CPA6: variants seen among roughly 807,000 people sequenced by gnomAD.
CPA6 encodes carboxypeptidase A6.
CPA6 carries 58 observed loss-of-function variants against 63.3 expected under a neutral mutation model. That is an observed-to-expected ratio of 0.92 (90% CI 0.74 to 1.14). The LOEUF (loss-of-function observed/expected upper bound fraction) is 1.14. CPA6 is among the 50% of genes most tolerant of loss of function. The pLI is 0.00. For missense variants in CPA6, 565 were observed against 526.6 expected (o/e 1.07, Z -0.71); for synonymous variants, 185 against 179.0 (o/e 1.03, Z -0.27).
At chr8:67,431,399 C>A (rs1810024725) in intron 9 of CPA6, among the ~76,000 whole-genome samples, 1 of 151,866 alleles carries the variant, frequency 6.6e-6, no homozygotes, top group Non-Finnish European at 1.5e-5. Flanking sequence ...TGCCACCAGG[C>A]CCGGCTAATT....
chr8:67,529,452 A>G (rs933638341), intron 2 of CPA6, among the ~76,000 whole-genome samples: 5 of 152,194 alleles, frequency 3.3e-5, no homozygotes, highest in Non-Finnish European at 2.9e-5. Flanking sequence ...TATGGAAGGT[A>G]ATAAGAAAAT....
At chr8:67,573,849 G>A (rs182124059) in intron 2 of CPA6, among the ~76,000 whole-genome samples, 96 of 117,512 alleles carry the variant, frequency 8.2e-4, no homozygotes, top group African/African-American at 2.6e-3. Context: ...CCGAGATCAC[G>A]CCACTGCACT....
intron 1 of CPA6, among the ~76,000 whole-genome samples, chr8:67,630,581 G>C (rs569171937): frequency 7.2e-4 from 109 of 152,342 alleles, no homozygotes; most frequent in Non-Finnish European, 9.4e-4. Flanking sequence ...GGCAGCCCTC[G>C]CTCCCTCTCA....
At chr8:67,424,199 G>A (rs1809833756) in intron 10 of CPA6, among the ~76,000 whole-genome samples, 1 of 152,086 alleles carries the variant, frequency 6.6e-6, no homozygotes, top group African/African-American at 2.4e-5. Context: ...TCTACATTAT[G>A]GTGAATTACA....
chr8:67,513,466 C>T (rs1462574533), intron 3 of CPA6, among the ~76,000 whole-genome samples: 1 of 152,096 alleles, frequency 6.6e-6, no homozygotes, highest in Non-Finnish European at 1.5e-5. Context: ...ATTATTTCTC[C>T]TGGCTACTTT....
At chr8:67,624,309 T>C in intron 1 of CPA6, 58 bp from the exon 2 acceptor site, 5 of 948,284 alleles carry the variant, frequency 5.3e-6, no homozygotes, top group Non-Finnish European at 8.1e-6. Flanking sequence ...ATATTAGTCA[T>C]CTCTTTCTTA....
intron 2 of CPA6, among the ~76,000 whole-genome samples, chr8:67,580,622 TTGAG>T (rs1813746405): frequency 6.6e-6 from 1 of 152,122 alleles, no homozygotes; most frequent in Non-Finnish European, 1.5e-5. Flanking sequence ...GTTCTTGAAA[TTGAG>T]TGAGTGTACG....
intron 8 of CPA6, among the ~76,000 whole-genome samples, chr8:67,477,052 A>G (rs1011033399): frequency 6.6e-6 from 1 of 152,106 alleles, no homozygotes; most frequent in Non-Finnish European, 1.5e-5. Flanking sequence ...GCACTTTGAG[A>G]GGCCGAGGCA....
rs1164925853 is a variant in CPA6 at position 67,672,850 on chromosome 8, T to TTAGC, written c.117-48603_117-48600dup. 2.6e-5 allele frequency among the ~76,000 whole-genome samples: 4 copies of TTAGC among 152,306 alleles called. No individual in the cohort carries two copies. In the East Asian group the frequency reaches 7.7e-4, roughly 29 times the overall value. On this transcript the variant is annotated intron_variant, in intron 1 of 10. Coordinates refer to ENST00000297770, the MANE Select transcript of CPA6 (RefSeq NM_020361.5). ...GAACAAATAAGCCCTAACTGCCTCATTAGCTTTAAGCTTCTAGGATGATGC... is the reference window on the plus strand; with the variant it reads ...GAACAAATAAGCCCTAACTGCCTCATTAGCTAGCTTTAAGCTTCTAGGATGATGC...
chr8:67,685,303 A>G (rs1816687756), intron 1 of CPA6, among the ~76,000 whole-genome samples: 1 of 152,146 alleles, frequency 6.6e-6, no homozygotes. Flanking sequence ...AACTTTTTGT[A>G]TGTGTGTCAC....
At chr8:67,549,937 G>T (rs915718996) in intron 2 of CPA6, among the ~76,000 whole-genome samples, 2 of 152,184 alleles carry the variant, frequency 1.3e-5, no homozygotes, top group African/African-American at 4.8e-5. Context: ...AAATAATGCT[G>T]CCATGAATAC....
chr8:67,607,468 T>C (rs1814696849), intron 2 of CPA6, among the ~76,000 whole-genome samples: 1 of 151,848 alleles, frequency 6.6e-6, no homozygotes, highest in Admixed American at 6.6e-5. Flanking sequence ...ATCTTTAGTC[T>C]TTTTTTGTGT....
chr8:67,721,275 G>A (rs1360104734), intron 1 of CPA6, among the ~76,000 whole-genome samples: 3 of 152,198 alleles, frequency 2.0e-5, no homozygotes, highest in Middle Eastern at 3.2e-3. Context: ...GAAATACCAT[G>A]CGTGCCATTT....
chr8:67,617,923 G>A (rs1310664576), intron 2 of CPA6, among the ~76,000 whole-genome samples: 1 of 143,194 alleles, frequency 7.0e-6, no homozygotes, highest in Non-Finnish European at 1.6e-5. Context: ...TTCACGGCAT[G>A]GCTGTTTGTT....
intron 1 of CPA6, among the ~76,000 whole-genome samples, chr8:67,683,454 C>G (rs1050685739): frequency 3.3e-5 from 5 of 152,184 alleles, no homozygotes; most frequent in African/African-American, 1.2e-4. Context: ...TTTTACACAG[C>G]TTGGCTTTCT....
intron 3 of CPA6, among the ~76,000 whole-genome samples, chr8:67,511,977 G>A (rs1764734679): frequency 1.3e-5 from 2 of 152,158 alleles, no homozygotes; most frequent in African/African-American, 4.8e-5. Flanking sequence ...TTACCTACCA[G>A]CAGCCAGGCA....
At chr8:67,706,530 G>C (rs1432448455) in intron 1 of CPA6, among the ~76,000 whole-genome samples, 1 of 152,096 alleles carries the variant, frequency 6.6e-6, no homozygotes, top group Non-Finnish European at 1.5e-5. Context: ...GAGGGTTAAA[G>C]GATCATTTTA....
chr8:67,610,233 T>C (rs1814769626), intron 2 of CPA6, among the ~76,000 whole-genome samples: 2 of 151,970 alleles, frequency 1.3e-5, no homozygotes, highest in South Asian at 4.2e-4. Flanking sequence ...TAGAAATTTA[T>C]CTGGGCATAG....
chr8:67,615,349 G>GC (rs927371256), intron 2 of CPA6, among the ~76,000 whole-genome samples: 2 of 152,132 alleles, frequency 1.3e-5, no homozygotes, highest in Non-Finnish European at 2.9e-5. Flanking sequence ...TGCCATCCTT[G>GC]CCCCTTGAAA....
Sources: gnomAD v4.1 joint callset for allele counts (sites outside exome capture counted in the v4.1 genomes callset) on GRCh38, gnomAD v4.1.1 for gene constraint, MANE v1.5 for transcripts, NCBI Gene and HGNC (gene_info 2026-07-23, HGNC 2026-07-21) for gene names.